C12orf42: variants seen among roughly 807,000 people sequenced by gnomAD.
C12orf42 encodes uncharacterized protein C12orf42.
C12orf42 carries 25 observed loss-of-function variants against 21.6 expected under a neutral mutation model. The observed-to-expected ratio is 1.16, with a 90% CI of 0.84 to 1.62. The LOEUF (loss-of-function observed/expected upper bound fraction) is 1.62, where lower values mean the gene tolerates loss of function less well. Among genes scored for constraint, C12orf42 ranks in the 40% most tolerant of loss-of-function variants. The pLI is 0.00. For missense variants in C12orf42, 483 were observed against 459.3 expected (o/e 1.05, Z -0.47); for synonymous variants, 174 against 175.0 (o/e 0.99, Z 0.05).
chr12:103,052,978 T>A, the C12orf42 span, among the ~76,000 whole-genome samples: 1 of 152,000 alleles, frequency 6.6e-6, no homozygotes, highest in Admixed American at 6.6e-5. Context: ...CATCTATTTA[T>A]AGACTCTATC....
chr12:103,062,852 C>T, the C12orf42 span, among the ~76,000 whole-genome samples: 1 of 152,002 alleles, frequency 6.6e-6, no homozygotes, highest in African/African-American at 2.4e-5. Flanking sequence ...TCCATTCTAT[C>T]TCTCCCTCTC....
At chr12:103,542,521 C>T in the C12orf42 span, among the ~76,000 whole-genome samples, 3 of 152,210 alleles carry the variant, frequency 2.0e-5, no homozygotes, top group African/African-American at 7.2e-5. Context: ...CAGACTGAAA[C>T]CCTTTGTGAT....
the C12orf42 span, among the ~76,000 whole-genome samples, chr12:103,134,065 CCCAA>C: frequency 6.6e-6 from 1 of 152,126 alleles, no homozygotes; most frequent in East Asian, 1.9e-4. Context: ...AATGCACTGA[CCCAA>C]CCAACACTAT....
the C12orf42 span, among the ~76,000 whole-genome samples, chr12:103,130,868 G>C: frequency 6.6e-6 from 1 of 152,214 alleles, no homozygotes; most frequent in African/African-American, 2.4e-5. Flanking sequence ...GAAAACCTGA[G>C]TAGGTTGTTG....
downstream of C12orf42, among the ~76,000 whole-genome samples, chr12:103,299,346 GTTA>G (rs1018041775): frequency 1.3e-5 from 2 of 151,380 alleles, no homozygotes; most frequent in African/African-American, 4.8e-5. Flanking sequence ...AATATTAGCT[GTTA>G]TTATAATTAT....
At chr12:103,055,935 TGAG>T in the C12orf42 span, among the ~76,000 whole-genome samples, 1 of 152,052 alleles carries the variant, frequency 6.6e-6, no homozygotes, top group African/African-American at 2.4e-5. Flanking sequence ...CTGAATTGGT[TGAG>T]ATTTGTTTTA....
chr12:103,331,459 TTTGAG>T (rs2041232311), intron 4 of C12orf42, among the ~76,000 whole-genome samples: 1 of 152,224 alleles, frequency 6.6e-6, no homozygotes, highest in Non-Finnish European at 1.5e-5. Context: ...TCATCAAATG[TTTGAG>T]TAACTGTTTT....
intron 4 of C12orf42, among the ~76,000 whole-genome samples, chr12:103,327,722 A>G (rs192938422): frequency 1.2e-4 from 19 of 152,340 alleles, no homozygotes; most frequent in African/African-American, 4.3e-4. Context: ...CACAGCATCT[A>G]TCTCTAGGAG....
the C12orf42 span, among the ~76,000 whole-genome samples, chr12:103,130,282 T>C: frequency 6.6e-6 from 1 of 151,106 alleles, no homozygotes; most frequent in Non-Finnish European, 1.5e-5. Flanking sequence ...CATATAGCTA[T>C]AGGTAGTGAA....
the C12orf42 span, among the ~76,000 whole-genome samples, chr12:103,124,686 A>T: frequency 6.6e-6 from 1 of 152,194 alleles, no homozygotes. Context: ...TTGGTATCAT[A>T]TAGTCTCTGG....
At chr12:103,472,047 A>ATTTTTTTTTTTTTTTTTTTT (rs33994886) in intron 2 of C12orf42, 2 of 84,356 alleles carry the variant, frequency 2.4e-5, no homozygotes, top group Non-Finnish European at 4.2e-5. Flanking sequence ...ATACAACTCA[A>ATTTTTTTTTTTTTTTTTTTT]TTTTTTTTTT....
chr12:103,491,249 T>C (rs908725052), intron 1 of C12orf42, among the ~76,000 whole-genome samples: 2 of 152,210 alleles, frequency 1.3e-5, no homozygotes, highest in African/African-American at 4.8e-5. Flanking sequence ...ATTTTAATTA[T>C]TTTTTCCCAT....
At chr12:103,507,700 C>A in the C12orf42 span, among the ~76,000 whole-genome samples, 2 of 120,158 alleles carry the variant, frequency 1.7e-5, no homozygotes, top group Admixed American at 9.2e-5. Context: ...GGGGTGGGGG[C>A]GGGTAATAAA....
chr12:103,520,176 T>A, the C12orf42 span, among the ~76,000 whole-genome samples: 16 of 152,222 alleles, frequency 1.1e-4, no homozygotes, highest in Non-Finnish European at 1.8e-4. Flanking sequence ...GTACCCCTTA[T>A]AAGGGAACAA....
intron 2 of C12orf42, among the ~76,000 whole-genome samples, chr12:103,468,424 A>T (rs1953315190): frequency 6.6e-6 from 1 of 152,244 alleles, no homozygotes; most frequent in South Asian, 2.1e-4. Context: ...TAATAGTTAC[A>T]TTCATAGGAT....
At chr12:103,107,997 G>A in the C12orf42 span, among the ~76,000 whole-genome samples, 1 of 150,796 alleles carries the variant, frequency 6.6e-6, no homozygotes, top group African/African-American at 2.4e-5. Context: ...ACAATATCTA[G>A]GTAAATATAA....
intron 2 of C12orf42, among the ~76,000 whole-genome samples, chr12:103,423,033 C>T (rs943061159): frequency 3.3e-5 from 5 of 152,102 alleles, no homozygotes; most frequent in African/African-American, 2.4e-5. Context: ...ATTTTTCCTT[C>T]GATGCCCCCA....
intron 3 of C12orf42, among the ~76,000 whole-genome samples, chr12:103,379,456 A>G (rs918324027): frequency 6.6e-6 from 1 of 152,068 alleles, no homozygotes; most frequent in Non-Finnish European, 1.5e-5. Flanking sequence ...AAAGGAAAAA[A>G]AAATACTAAC....
chr12:103,466,578 T>C (rs1953150246), intron 2 of C12orf42, among the ~76,000 whole-genome samples: 1 of 151,588 alleles, frequency 6.6e-6, no homozygotes, highest in Non-Finnish European at 1.5e-5. Flanking sequence ...TGACTCTCTC[T>C]CTCTCTCCTC....
Sources: allele counts gnomAD v4.1 joint callset (sites outside exome capture counted in the v4.1 genomes callset), GRCh38; gene constraint gnomAD v4.1.1; transcripts MANE v1.5; gene names NCBI Gene and HGNC (gene_info 2026-07-23, HGNC 2026-07-21).